Variants in PLXDC2 observed in about 807,000 individuals in gnomAD.
The protein encoded by PLXDC2 is plexin domain containing 2.
In PLXDC2, 40 loss-of-function variants were observed where a neutral mutation model predicts 68.9. The observed-to-expected ratio is 0.58, with a 90% confidence interval of 0.45 to 0.76. PLXDC2 has a LOEUF of 0.76. Ranked by LOEUF, PLXDC2 falls within the 30% of genes least tolerant of loss-of-function variation. PLXDC2 has a pLI of 0.00. For missense variants in PLXDC2, 644 were observed against 661.9 expected, an observed-to-expected ratio of 0.97 and a Z score of 0.30; for synonymous variants, 243 against 234.2, an observed-to-expected ratio of 1.04 and a Z score of -0.34.
intron 1 of PLXDC2, among the ~76,000 whole-genome samples, chr10:19,956,043 C>A (rs1489756218): frequency 6.6e-6 from 1 of 152,130 alleles, no homozygotes; most frequent in East Asian, 1.9e-4. Flanking sequence ...TGCGGCATTG[C>A]ACTCCAGCTT....
chr10:20,261,258 T>G (rs1021891613), intron 13 of PLXDC2, among the ~76,000 whole-genome samples: 3 of 152,212 alleles, frequency 2.0e-5, no homozygotes, highest in African/African-American at 7.2e-5. Flanking sequence ...TTCAAAAAAT[T>G]ATTTCATGGC....
At chr10:19,978,053 C>T (rs1238634316) in intron 1 of PLXDC2, among the ~76,000 whole-genome samples, 2 of 152,162 alleles carry the variant, frequency 1.3e-5, no homozygotes, top group Non-Finnish European at 2.9e-5. Flanking sequence ...CCTACCTTCC[C>T]TATGTTTCTG....
chr10:19,997,498 A>G (rs1212836532), intron 1 of PLXDC2, among the ~76,000 whole-genome samples: 1 of 152,226 alleles, frequency 6.6e-6, no homozygotes, highest in Non-Finnish European at 1.5e-5. Context: ...ATGTCAATTT[A>G]TGCAGTTACT....
intron 4 of PLXDC2, among the ~76,000 whole-genome samples, chr10:20,134,911 T>G (rs1269121739): frequency 6.6e-6 from 1 of 152,178 alleles, no homozygotes; most frequent in Non-Finnish European, 1.5e-5. Context: ...CGAAACTTGG[T>G]GCTGCTCACT....
intron 9 of PLXDC2, among the ~76,000 whole-genome samples, chr10:20,201,630 G>T (rs900269493): frequency 2.0e-5 from 3 of 151,916 alleles, no homozygotes; most frequent in Non-Finnish European, 4.4e-5. Flanking sequence ...AATATTGAAT[G>T]TTCCTAACAC....
At chr10:20,154,157 G>A (rs7895366) in intron 6 of PLXDC2, among the ~76,000 whole-genome samples, 137,755 of 152,184 alleles carry the variant, frequency 0.91, 62,532 homozygotes, top group Non-Finnish European at 0.94. Context: ...CAGCTTCTTC[G>A]TATTAAGTTG....
chr10:20,046,873 A>T lies in PLXDC2; in HGVS notation c.329A>T (p.Asp110Val). Reference sequence around the variant, plus strand: ...CATTATTATCTATTATTGCAGGAGGATACAGACCACAATTACTATATATCT... The same window carrying T: ...CATTATTATCTATTATTGCAGGAGGTTACAGACCACAATTACTATATATCT... ...GQDNNTQIEE[D>V]TDHNYYISRI... The change falls in exon 3 of 14, where the codon GAT (aspartate) becomes GTT (valine). Residue 110 changes from aspartate (D) to valine (V), a missense_variant. By Grantham distance (152) the Asp-to-Val change is radical. Coordinates refer to ENST00000377252, the MANE Select transcript of PLXDC2 (RefSeq NM_032812.9). 6.2e-7 allele frequency: 1 copy of T among 1,608,294 alleles called. No homozygotes were observed. Among genetic ancestry groups the T allele is most frequent in the African/African-American group, 1.3e-5 (1 of 74,778 alleles).
At chr10:20,001,544 G>A (rs1372690383) in intron 1 of PLXDC2, among the ~76,000 whole-genome samples, 1 of 152,096 alleles carries the variant, frequency 6.6e-6, no homozygotes, top group African/African-American at 2.4e-5. Flanking sequence ...TAAAAACTCT[G>A]CAAGATCTGC....
chr10:20,240,187 T>C (rs1408034547), intron 12 of PLXDC2, among the ~76,000 whole-genome samples: 1 of 152,204 alleles, frequency 6.6e-6, no homozygotes. Flanking sequence ...GGTATTTGGC[T>C]TTCTGGTCCT....
chr10:20,171,515 GA>G (rs1183061831), intron 7 of PLXDC2, among the ~76,000 whole-genome samples: 13 of 152,062 alleles, frequency 8.5e-5, no homozygotes, highest in Non-Finnish European at 1.8e-4. Context: ...ACACTTCCAA[GA>G]AAGAGAGCAT....
chr10:19,862,699 T>C (rs1837339577), intron 1 of PLXDC2, among the ~76,000 whole-genome samples: 1 of 152,262 alleles, frequency 6.6e-6, no homozygotes, highest in African/African-American at 2.4e-5. Flanking sequence ...TTCTTTTCTT[T>C]TCAACATGAA....
intron 1 of PLXDC2, among the ~76,000 whole-genome samples, chr10:19,990,543 T>A (rs1834729509): frequency 1.3e-5 from 2 of 152,202 alleles, no homozygotes; most frequent in East Asian, 3.9e-4. Context: ...CTACAGGTGT[T>A]GATAGATTAC....
intron 2 of PLXDC2, among the ~76,000 whole-genome samples, chr10:20,041,085 G>A (rs1049666364): frequency 1.3e-5 from 2 of 152,096 alleles, no homozygotes; most frequent in African/African-American, 2.4e-5. Context: ...ACCATCAGAA[G>A]ATTTGCTATA....
Position 20,219,094 on chromosome 10 carries a change from A to T in PLXDC2, c.1304A>T (p.Asp435Val), listed in dbSNP as rs1564357758. ...DDTKIALHLK[D>V]NGASTDDSAA... ...ACCAAGATAGCACTACATCTAAAAG[A>T]TAATGGAGGTAGGAATTGATACTTT... Residue 435 changes from aspartate to valine, a missense_variant, in exon 12 of 14, where the codon GAT becomes GTT. This residue lies in a region of PLXDC2 where 330 missense variants were observed against 327.9 expected (regional missense o/e 1.01). Transcript: ENST00000377252. 6.2e-7 allele frequency: 1 copy of T among 1,606,400 alleles called. No individual in the cohort carries two copies. The highest frequency in any genetic ancestry group is 2.2e-5 in the East Asian group (1 of 44,536).
chr10:20,008,466 C>T (rs1205248707), intron 2 of PLXDC2, among the ~76,000 whole-genome samples: 4 of 152,052 alleles, frequency 2.6e-5, no homozygotes, highest in Non-Finnish European at 5.9e-5. Flanking sequence ...GGCAGGAGAA[C>T]TGCTTGAACC....
intron 3 of PLXDC2, among the ~76,000 whole-genome samples, chr10:20,049,848 G>A (rs896156239): frequency 5.9e-5 from 9 of 152,014 alleles, no homozygotes; most frequent in Middle Eastern, 3.4e-3. Flanking sequence ...CTTCATAGAA[G>A]TAGAAAAATT....
intron 4 of PLXDC2, chr10:20,071,146 G>C (rs969195910): frequency 2.6e-5 from 4 of 152,058 alleles, no homozygotes; most frequent in African/African-American, 9.7e-5. Flanking sequence ...CATTGACCTG[G>C]GTGTCTTCAA....
At chr10:20,043,266 G>C (rs1373119005) in intron 2 of PLXDC2, 1 of 152,120 alleles carries the variant, frequency 6.6e-6, no homozygotes, top group Non-Finnish European at 1.5e-5. Context: ...CTTGGCAAGC[G>C]TGGGCTCTAG....
chr10:20,103,168 G>T (rs6482091), intron 4 of PLXDC2, among the ~76,000 whole-genome samples: 28,201 of 152,006 alleles, frequency 0.19, 3,307 homozygotes, highest in East Asian at 0.41. Context: ...AATACTTTTA[G>T]GGGCCCCCAA....
Sources: allele counts gnomAD v4.1 joint callset (sites outside exome capture counted in the v4.1 genomes callset), GRCh38; gene constraint gnomAD v4.1.1; regional missense constraint gnomAD v4.1.1; transcripts MANE v1.5; gene names NCBI Gene and HGNC (gene_info 2026-07-23, HGNC 2026-07-21).